The following TBC1D14 variants were observed in gnomAD, a reference collection of about 807,000 sequenced individuals.
The protein encoded by TBC1D14 is TBC1 domain family, member 14.
A neutral mutation model predicts 79.0 loss-of-function variants in TBC1D14; 26 were observed. The ratio of observed to expected loss-of-function variants is 0.33; its 90% CI spans 0.24 to 0.46. TBC1D14 has a LOEUF of 0.46. Ranked by LOEUF, TBC1D14 falls within the 20% of genes least tolerant of loss-of-function variation. TBC1D14 has a pLI of 1.00. For missense variants in TBC1D14, 769 were observed against 887.6 expected, an observed-to-expected ratio of 0.87 and a Z score of 1.70; for synonymous variants, 394 against 349.9, an observed-to-expected ratio of 1.13 and a Z score of -1.40.
Position 6,967,323 on chromosome 4 carries a change from C to T in TBC1D14, c.742C>T (p.Gln248Ter), listed in dbSNP as rs1350658138. The change falls in exon 3 of 14, where the codon CAA becomes TAA. Residue 248 changes from glutamine (Q) to a stop codon, truncating the protein, a stop_gained. Transcript: ENST00000409757. LOFTEE classifies it high-confidence loss of function. ...CTATAGGAACTTGCTTGCTAGAAAA[C>T]AAAGTGCAAGGCTTGACAAACACAA... ...FFARNLLARK[Q>*]SARLDKHNDL... The T allele has an allele frequency of 1.2e-6, 2 of 1,613,664 alleles. No individual in the cohort carries two copies. The highest frequency in any genetic ancestry group is 1.1e-5 in the South Asian group (1 of 91,042).
chr4:7,016,152 TC>T (rs1284741392), intron 12 of TBC1D14, among the ~76,000 whole-genome samples: 1 of 152,208 alleles, frequency 6.6e-6, no homozygotes, highest in Non-Finnish European at 1.5e-5. Context: ...CCTGGACTGT[TC>T]TCACTCCACT....
chr4:6,984,494 C>T (rs1217177612), intron 3 of TBC1D14, among the ~76,000 whole-genome samples: 1 of 152,116 alleles, frequency 6.6e-6, no homozygotes, highest in Non-Finnish European at 1.5e-5. Context: ...TTGGTGAAAT[C>T]GATTTTTGAT....
At chr4:6,960,106 G>C (rs1392277114) in intron 2 of TBC1D14, among the ~76,000 whole-genome samples, 1 of 129,222 alleles carries the variant, frequency 7.7e-6, no homozygotes, top group East Asian at 2.5e-4. Flanking sequence ...TTTTGACACA[G>C]AGTCTGGCTC....
intron 2 of TBC1D14, among the ~76,000 whole-genome samples, chr4:6,939,871 G>A (rs1032797062): frequency 6.6e-6 from 1 of 152,214 alleles, no homozygotes; most frequent in African/African-American, 2.4e-5. Flanking sequence ...GTGTGCGGGT[G>A]AAGCGTGTTC....
At chr4:7,024,877 C>T (rs1722188979) in intron 12 of TBC1D14, 127 bp from the exon 13 acceptor site, 2 of 1,282,594 alleles carry the variant, frequency 1.6e-6, no homozygotes, top group East Asian at 4.6e-5. Context: ...GCAGGCCTGG[C>T]CCTGGCCCCA....
chr4:6,913,853 G>A (rs1357690883), intron 1 of TBC1D14, among the ~76,000 whole-genome samples: 8 of 152,138 alleles, frequency 5.3e-5, no homozygotes, highest in Admixed American at 2.6e-4. Flanking sequence ...TCCTGGCCAG[G>A]CGCTGTGGCT....
rs888254759 is a variant in TBC1D14 at position 6,987,091 on chromosome 4, TGCCCGCCCCTCGC to T, written c.844-7092_844-7080del. 2.6e-5 allele frequency: 26 copies of T among 993,256 alleles called. No homozygotes were observed. In the South Asian group the frequency reaches 6.9e-4, roughly 26 times the overall value. 61.5% of individuals were successfully genotyped at this position (993,256 alleles called of 1,614,324 possible). On this transcript the variant is annotated intron_variant, in intron 3 of 13. Coordinates refer to ENST00000409757, the MANE Select transcript of TBC1D14 (RefSeq NM_020773.3). Reference sequence around the variant, plus strand: ...GGGGACGCCCCAGCCCCGCCCCTTGTGCCCGCCCCTCGCCGCTCATCAGCCCCGCCCCCTTGGG... The same window carrying T: ...GGGGACGCCCCAGCCCCGCCCCTTGTCGCTCATCAGCCCCGCCCCCTTGGG...
intron 12 of TBC1D14, among the ~76,000 whole-genome samples, chr4:7,015,782 C>T (rs55913461): frequency 0.089 from 13,486 of 152,156 alleles, 959 homozygotes; most frequent in African/African-American, 0.19. Flanking sequence ...CTGTGAAGCC[C>T]GGCTGAGCTC....
intron 2 of TBC1D14, among the ~76,000 whole-genome samples, chr4:6,961,865 GT>G (rs573430928): frequency 1.1e-4 from 17 of 152,336 alleles, no homozygotes; most frequent in Admixed American, 3.9e-4. Flanking sequence ...AGGCTGGACA[GT>G]GGGGAGTCCT....
intron 1 of TBC1D14, among the ~76,000 whole-genome samples, chr4:6,921,354 G>A (rs957822788): frequency 1.3e-5 from 2 of 151,642 alleles, no homozygotes; most frequent in Non-Finnish European, 2.9e-5. Context: ...GACCACAGAC[G>A]TGCCACCACA....
intron 2 of TBC1D14, among the ~76,000 whole-genome samples, chr4:6,938,721 C>T (rs571403638): frequency 2.6e-5 from 4 of 152,352 alleles, no homozygotes; most frequent in South Asian, 2.1e-4. Flanking sequence ...AGCCTTGCCT[C>T]GCGGGCCTTC....
chr4:6,991,204 C>G (rs1718450060), intron 3 of TBC1D14, among the ~76,000 whole-genome samples: 1 of 152,230 alleles, frequency 6.6e-6, no homozygotes, highest in South Asian at 2.1e-4. Flanking sequence ...GACCCTGCGT[C>G]TCTGCTGATC....
intron 2 of TBC1D14, among the ~76,000 whole-genome samples, chr4:6,938,642 A>G (rs1401888429): frequency 1.3e-5 from 2 of 152,074 alleles, no homozygotes; most frequent in Admixed American, 1.3e-4. Flanking sequence ...GAGGATCCAC[A>G]TCCCTAGATC....
At chr4:6,910,690 A>C (rs1722909915) in intron 1 of TBC1D14, 1 of 152,050 alleles carries the variant, frequency 6.6e-6, no homozygotes, top group African/African-American at 2.4e-5. Flanking sequence ...GGTCAGGAGG[A>C]TAGGAGAATG....
At position 7,031,094 on chromosome 4, in the gene TBC1D14, G is replaced by C. The variant is rs1312651980; in HGVS notation, c.*702G>C. On this transcript the variant is annotated 3_prime_UTR_variant, in exon 14 of 14. Coordinates refer to ENST00000409757, the MANE Select transcript of TBC1D14 (RefSeq NM_020773.3). Reference sequence around the variant, plus strand: ...GCTCCCTGGCATCGGTCCTGCGGAGGTGGAAAGTTCGAGAGGAGGAGCTAT... The same window carrying C: ...GCTCCCTGGCATCGGTCCTGCGGAGCTGGAAAGTTCGAGAGGAGGAGCTAT... 1 of 152,432 alleles carries C rather than the reference G, an allele frequency of 6.6e-6. No homozygotes were observed. Among genetic ancestry groups the C allele is most frequent in the Admixed American group, 6.5e-5 (1 of 15,286 alleles). The allele number at this position is 152,432 out of a possible 1,614,324, so 9.4% of individuals were successfully genotyped here.
chr4:7,017,605 G>A (rs1409484104), intron 12 of TBC1D14, among the ~76,000 whole-genome samples: 1 of 152,210 alleles, frequency 6.6e-6, no homozygotes, highest in Non-Finnish European at 1.5e-5. Flanking sequence ...GTTCTTCACT[G>A]CTGAGGCCTT....
At chr4:6,990,761 A>G (rs1017346226) in intron 3 of TBC1D14, among the ~76,000 whole-genome samples, 6 of 152,248 alleles carry the variant, frequency 3.9e-5, no homozygotes, top group Middle Eastern at 3.4e-3. Flanking sequence ...TACAGTTGCT[A>G]CTGTTTTATA....
intron 1 of TBC1D14, among the ~76,000 whole-genome samples, chr4:6,916,335 C>T (rs1210479521): frequency 1.3e-5 from 2 of 150,492 alleles, no homozygotes; most frequent in Non-Finnish European, 3.0e-5. Context: ...TCCAGCCCTG[C>T]GAAGAGGCTT....
intron 1 of TBC1D14, among the ~76,000 whole-genome samples, chr4:6,920,341 C>A (rs1408610929): frequency 6.6e-6 from 1 of 151,878 alleles, no homozygotes; most frequent in Non-Finnish European, 1.5e-5. Context: ...GTGATCATAG[C>A]TCATTGCTAT....
Sources: gnomAD v4.1 joint callset for allele counts (sites outside exome capture counted in the v4.1 genomes callset) on GRCh38, gnomAD v4.1.1 for gene constraint, MANE v1.5 for transcripts, NCBI Gene and HGNC (gene_info 2026-07-23, HGNC 2026-07-21) for gene names.